The following CC2D2A variants were observed in gnomAD, a reference collection of about 807,000 sequenced individuals.
CC2D2A encodes the protein coiled-coil and C2 domain containing 2A.
Under a neutral mutation model 212.9 loss-of-function variants are expected in CC2D2A, and 155 were observed. That is an observed-to-expected ratio of 0.73 (90% CI 0.64 to 0.83). CC2D2A has a LOEUF of 0.83. Among genes scored for constraint, CC2D2A ranks in the 40% least tolerant of loss-of-function variants. The pLI, the probability that CC2D2A is intolerant of heterozygous loss-of-function variation, is 0.00. For synonymous variants in CC2D2A, 667 were observed against 686.5 expected (o/e 0.97, Z 0.44); for missense variants, 1,856 against 1,956.2 (o/e 0.95, Z 0.97).
chr4:15,559,914 G>A (rs965289632), intron 22 of CC2D2A, among the ~76,000 whole-genome samples: 9 of 152,086 alleles, frequency 5.9e-5, no homozygotes, highest in Middle Eastern at 3.4e-3. Context: ...TCACTCTAAC[G>A]TCCACCTCCC....
At chr4:15,593,594 C>T (rs1721198791) in intron 33 of CC2D2A, among the ~76,000 whole-genome samples, 1 of 152,158 alleles carries the variant, frequency 6.6e-6, no homozygotes, top group African/African-American at 2.4e-5. Flanking sequence ...ACTTAAGATG[C>T]CCAAACTCCT....
intron 2 of CC2D2A, among the ~76,000 whole-genome samples, chr4:15,477,121 G>GGTTTAGTA (rs1233527624): frequency 1.3e-5 from 2 of 152,024 alleles, no homozygotes; most frequent in East Asian, 3.9e-4. Flanking sequence ...TGACCAACAT[G>GGTTTAGTA]GAGAAACCCC....
In CC2D2A at chr4:15,594,117, C is replaced by G. The variant is rs1721220724; in HGVS notation, c.4315-1968C>G. Among the ~76,000 whole-genome samples the G allele has an allele frequency of 3.3e-5, 5 of 152,250 alleles. No homozygotes were observed. In the South Asian group the frequency reaches 8.3e-4, roughly 25 times the overall value. ...CTTTAAAACTACTTCATATTCCTTG[C>G]TGTTCCTCAAACATAACAAAGCACA... On this transcript the variant is annotated intron_variant, in intron 33 of 36. Coordinates refer to ENST00000424120, the MANE Select transcript of CC2D2A (RefSeq NM_001378615.1).
At chr4:15,563,781 G>T in intron 24 of CC2D2A, 2 of 423,542 alleles carry the variant, frequency 4.7e-6, no homozygotes, top group Non-Finnish European at 8.6e-6. Context: ...AGACTGCAGG[G>T]ATAAGATAGT....
chr4:15,475,508 C>A (rs914632962), intron 1 of CC2D2A, among the ~76,000 whole-genome samples: 3 of 151,946 alleles, frequency 2.0e-5, no homozygotes, highest in Non-Finnish European at 1.5e-5. Flanking sequence ...GAGGAGGTGG[C>A]GGTGGCTCCA....
intron 4 of CC2D2A, among the ~76,000 whole-genome samples, chr4:15,484,711 A>G (rs1224260054): frequency 6.6e-6 from 1 of 152,190 alleles, no homozygotes; most frequent in Non-Finnish European, 1.5e-5. Flanking sequence ...AAAATGGGTA[A>G]CTCCACTTTC....
At chr4:15,505,857 T>C (rs546354637) in intron 6 of CC2D2A, among the ~76,000 whole-genome samples, 2 of 152,328 alleles carry the variant, frequency 1.3e-5, no homozygotes, top group South Asian at 4.1e-4. Flanking sequence ...ATCAAGCATA[T>C]ATAAAAATTT....
At position 15,569,277 on chromosome 4, in the gene CC2D2A, A is replaced by G. The variant is rs1376694641; in HGVS notation, c.3399-16A>G. 2.0e-6 allele frequency: 3 copies of G among 1,474,372 alleles called. No individual in the cohort carries two copies. Among genetic ancestry groups the G allele is most frequent in the Non-Finnish European group, 2.8e-6 (3 of 1,072,062 alleles). The allele number at this position is 1,474,372 out of a possible 1,614,324, so 91.3% of individuals were successfully genotyped here. ...TTGCCTATTTTCACAGTCCCTGGTC[A>G]TGTGCTGTCTTGCAGGGCTCCTAAT... On this transcript the variant is annotated splice_polypyrimidine_tract_variant and intron_variant, in intron 26 of 36. Coordinates refer to ENST00000424120, the MANE Select transcript of CC2D2A (RefSeq NM_001378615.1).
intron 4 of CC2D2A, chr4:15,481,705 C>G: frequency 2.4e-6 from 2 of 839,390 alleles, no homozygotes; most frequent in Non-Finnish European, 2.9e-6. Flanking sequence ...AACCTCTTTT[C>G]TTTATAAATT....
chr4:15,473,283 G>A (rs1424701893), intron 1 of CC2D2A: 1 of 152,214 alleles, frequency 6.6e-6, no homozygotes, highest in South Asian at 2.1e-4. Context: ...GTGGTAATAA[G>A]TACTGTGAAA....
At chr4:15,476,708 A>G (rs531552589) in intron 2 of CC2D2A, among the ~76,000 whole-genome samples, 2 of 152,350 alleles carry the variant, frequency 1.3e-5, no homozygotes, top group African/African-American at 4.8e-5. Flanking sequence ...TTCAGAATGA[A>G]GGTAACAATT....
intron 11 of CC2D2A, among the ~76,000 whole-genome samples, chr4:15,521,493 T>G (rs1184827387): frequency 6.6e-6 from 1 of 152,176 alleles, no homozygotes; most frequent in Admixed American, 6.5e-5. Flanking sequence ...AAAAAAAAAT[T>G]AAATGCCTAC....
intron 4 of CC2D2A, among the ~76,000 whole-genome samples, chr4:15,482,914 G>A (rs1190496359): frequency 6.6e-6 from 1 of 152,114 alleles, no homozygotes; most frequent in African/African-American, 2.4e-5. Flanking sequence ...TTTCTGAATT[G>A]GGGAATGGAG....
intron 12 of CC2D2A, among the ~76,000 whole-genome samples, chr4:15,528,118 C>G (rs1279074265): frequency 6.6e-6 from 1 of 152,244 alleles, no homozygotes; most frequent in African/African-American, 2.4e-5. Flanking sequence ...CAATGTGACA[C>G]TATCCCATGG....
intron 30 of CC2D2A, among the ~76,000 whole-genome samples, chr4:15,583,307 A>T (rs1720726729): frequency 6.6e-6 from 1 of 152,242 alleles, no homozygotes; most frequent in Non-Finnish European, 1.5e-5. Flanking sequence ...CTCCAACTCT[A>T]TTCAACATAG....
chr4:15,523,415 G>A (rs1717324122), intron 11 of CC2D2A, among the ~76,000 whole-genome samples: 1 of 152,114 alleles, frequency 6.6e-6, no homozygotes, highest in Non-Finnish European at 1.5e-5. Flanking sequence ...ATACCCACTG[G>A]AGGACTGTGT....
intron 11 of CC2D2A, among the ~76,000 whole-genome samples, chr4:15,517,958 G>A (rs1419156990): frequency 6.6e-6 from 1 of 152,114 alleles, no homozygotes; most frequent in Admixed American, 6.5e-5. Flanking sequence ...TCACTATCAT[G>A]AGAACAGTGC....
At chr4:15,589,422 C>T (rs1720992996) in intron 32 of CC2D2A, 123 bp from the exon 33 acceptor site, 7 of 890,854 alleles carry the variant, frequency 7.9e-6, no homozygotes, top group African/African-American at 3.4e-5. Flanking sequence ...TAGTTTTCAC[C>T]ATTAACCATG....
At chr4:15,545,796 T>C (rs1219114088) in intron 17 of CC2D2A, among the ~76,000 whole-genome samples, 1 of 151,898 alleles carries the variant, frequency 6.6e-6, no homozygotes, top group Non-Finnish European at 1.5e-5. Context: ...CAGTTTAACT[T>C]GAGGAAGTAA....
Sources: allele counts gnomAD v4.1 joint callset (sites outside exome capture counted in the v4.1 genomes callset), GRCh38; gene constraint gnomAD v4.1.1; transcripts MANE v1.5; gene names NCBI Gene and HGNC (gene_info 2026-07-23, HGNC 2026-07-21).